Variants in PTPRD observed in about 807,000 individuals in gnomAD.
The protein encoded by PTPRD is receptor-type tyrosine-protein phosphatase delta.
PTPRD carries 34 observed loss-of-function variants against 214.5 expected under a neutral mutation model. The ratio of observed to expected loss-of-function variants is 0.16; its 90% confidence interval spans 0.12 to 0.21. The LOEUF is 0.21. Ranked by LOEUF, PTPRD falls within the 10% of genes least tolerant of loss-of-function variation. The pLI, the probability that PTPRD is intolerant of heterozygous loss-of-function variation, is 1.00. For missense variants in PTPRD, 2,545 were observed against 2,398.7 expected, an observed-to-expected ratio of 1.06 and a Z score of -1.27; for synonymous variants, 1,128 against 845.7, an observed-to-expected ratio of 1.33 and a Z score of -5.79.
At chr9:9,182,704 T>C (rs2099928924) in intron 10 of PTPRD, among the ~76,000 whole-genome samples, 1 of 152,046 alleles carries the variant, frequency 6.6e-6, no homozygotes, top group Non-Finnish European at 1.5e-5. Flanking sequence ...AAGGGATATG[T>C]AATGAAACAA....
intron 2 of PTPRD, among the ~76,000 whole-genome samples, chr9:10,598,929 C>G (rs141658577): frequency 8.4e-4 from 127 of 151,574 alleles, no homozygotes; most frequent in Admixed American, 1.6e-3. Context: ...AATACAAACT[C>G]CAGTATCTAT....
At chr9:8,441,240 A>G (rs2095537856) in intron 34 of PTPRD, among the ~76,000 whole-genome samples, 1 of 152,202 alleles carries the variant, frequency 6.6e-6, no homozygotes, top group East Asian at 1.9e-4. Flanking sequence ...TGTGAAAAAC[A>G]GCCATAAGCG....
intron 15 of PTPRD, chr9:8,528,153 T>A (rs546379161): frequency 2.9e-6 from 1 of 345,534 alleles, no homozygotes; most frequent in Admixed American, 4.6e-5. Context: ...ATTGAAACAT[T>A]TTAGGGTTTA....
At chr9:10,019,788 GGA>G (rs1491074427) in intron 4 of PTPRD, among the ~76,000 whole-genome samples, 3 of 150,046 alleles carry the variant, frequency 2.0e-5, no homozygotes, top group Non-Finnish European at 4.5e-5. Context: ...GGGGTGGGGG[GGA>G]GCTGGGAGGG....
At chr9:9,029,723 G>C (rs113844190) in intron 10 of PTPRD, among the ~76,000 whole-genome samples, 1,716 of 151,994 alleles carry the variant, frequency 0.011, 26 homozygotes, top group Middle Eastern at 0.075. Flanking sequence ...GTGGTGGAGA[G>C]CTGAGGATGA....
chr9:10,342,567 T>C (rs2096962190), intron 2 of PTPRD, among the ~76,000 whole-genome samples: 1 of 152,118 alleles, frequency 6.6e-6, no homozygotes, highest in Admixed American at 6.6e-5. Flanking sequence ...ATTATTTGAA[T>C]TAATCTAAAA....
chr9:9,204,722 T>G (rs1331890201), intron 9 of PTPRD, among the ~76,000 whole-genome samples: 3 of 152,202 alleles, frequency 2.0e-5, no homozygotes, highest in Admixed American at 2.0e-4. Context: ...AGTGAATAGA[T>G]TTTGCTCTGT....
intron 11 of PTPRD, among the ~76,000 whole-genome samples, chr9:8,800,686 G>A (rs2154517513): frequency 6.6e-6 from 1 of 152,260 alleles, no homozygotes; most frequent in South Asian, 2.1e-4. Flanking sequence ...AGCAGCCTCG[G>A]GGCTGCTCTG....
intron 11 of PTPRD, chr9:8,962,661 G>C (rs961166580): frequency 6.6e-6 from 1 of 151,978 alleles, no homozygotes; most frequent in African/African-American, 2.4e-5. Flanking sequence ...ATCTGAATGT[G>C]GGGTACTAAA....
chr9:10,509,624 T>C (rs2047341966), intron 2 of PTPRD, among the ~76,000 whole-genome samples: 1 of 145,284 alleles, frequency 6.9e-6, no homozygotes, highest in Non-Finnish European at 1.5e-5. Flanking sequence ...ATTCTCCAGG[T>C]ACATTTGGCG....
At chr9:9,429,712 T>G (rs772662983) in intron 8 of PTPRD, among the ~76,000 whole-genome samples, 1 of 152,204 alleles carries the variant, frequency 6.6e-6, no homozygotes, top group Non-Finnish European at 1.5e-5. Context: ...CATGATCAAG[T>G]GGGCTTCATC....
chr9:8,703,869 A>T (rs1230495728), intron 12 of PTPRD, among the ~76,000 whole-genome samples: 1 of 152,018 alleles, frequency 6.6e-6, no homozygotes, highest in Non-Finnish European at 1.5e-5. Context: ...TATGTCCCAA[A>T]CCGAGCTCAT....
chr9:9,009,099 G>A (rs1685617395), intron 11 of PTPRD, among the ~76,000 whole-genome samples: 1 of 152,016 alleles, frequency 6.6e-6, no homozygotes, highest in Admixed American at 6.6e-5. Context: ...AGTAGAACTT[G>A]CTCTAAAAGT....
intron 11 of PTPRD, among the ~76,000 whole-genome samples, chr9:8,907,517 C>CAAAAAAAAA: frequency 1.3e-5 from 1 of 79,700 alleles, no homozygotes; most frequent in Non-Finnish European, 2.5e-5. Flanking sequence ...GACTCCGTCT[C>CAAAAAAAAA]AAAAAAAAAA....
intron 2 of PTPRD, among the ~76,000 whole-genome samples, chr9:10,611,606 A>G (rs2080988660): frequency 6.6e-6 from 1 of 152,182 alleles, no homozygotes; most frequent in Non-Finnish European, 1.5e-5. Context: ...CCCCAAGAGG[A>G]ATACTGCCTG....
chr9:9,479,746 C>T (rs1231203276), intron 8 of PTPRD, among the ~76,000 whole-genome samples: 2 of 151,672 alleles, frequency 1.3e-5, no homozygotes, highest in Non-Finnish European at 2.9e-5. Context: ...CAAAACAAAA[C>T]AAAACAAAAC....
intron 3 of PTPRD, among the ~76,000 whole-genome samples, chr9:10,288,158 G>C (rs1239000225): frequency 3.1e-5 from 3 of 97,692 alleles, no homozygotes; most frequent in East Asian, 3.8e-4. Context: ...AAAAAATTGG[G>C]GGTGGGGGGT....
At chr9:10,521,323 A>T (rs910049856) in intron 2 of PTPRD, among the ~76,000 whole-genome samples, 2 of 152,140 alleles carry the variant, frequency 1.3e-5, no homozygotes, top group Non-Finnish European at 2.9e-5. Flanking sequence ...CGAATATGTG[A>T]CTGAATTGCT....
At chr9:8,610,646 T>C (rs2154289789) in intron 14 of PTPRD, among the ~76,000 whole-genome samples, 1 of 152,334 alleles carries the variant, frequency 6.6e-6, no homozygotes, top group Admixed American at 6.5e-5. Flanking sequence ...AAGTATTTAC[T>C]CATAAATATT....
Sources: allele counts gnomAD v4.1 joint callset (sites outside exome capture counted in the v4.1 genomes callset), GRCh38; gene constraint gnomAD v4.1.1; transcripts MANE v1.5; gene names NCBI Gene and HGNC (gene_info 2026-07-23, HGNC 2026-07-21).